The following KDM4C variants were observed in gnomAD, a reference collection of about 807,000 sequenced individuals.
KDM4C encodes the protein lysine-specific demethylase 4C.
A neutral mutation model predicts 129.3 loss-of-function variants in KDM4C; 81 were observed. The observed-to-expected ratio is 0.63, with a 90% CI of 0.52 to 0.75. KDM4C has a LOEUF of 0.75. Among genes scored for constraint, KDM4C ranks in the 30% least tolerant of loss-of-function variants. The probability of loss-of-function intolerance (pLI) is 0.00; values close to 1 mark genes in which losing one functional copy is unlikely to be tolerated. For missense variants in KDM4C, 1,457 were observed against 1,304.0 expected, an observed-to-expected ratio of 1.12 and a Z score of -1.81; for synonymous variants, 573 against 456.1, an observed-to-expected ratio of 1.26 and a Z score of -3.26.
At chr9:6,964,311 T>TA (rs1427969149) in intron 8 of KDM4C, among the ~76,000 whole-genome samples, 1 of 150,428 alleles carries the variant, frequency 6.6e-6, no homozygotes, top group East Asian at 2.0e-4. Flanking sequence ...CATTGTTCAA[T>TA]TCCCACCTAT....
intron 19 of KDM4C, among the ~76,000 whole-genome samples, chr9:7,144,863 C>G (rs569069287): frequency 1.3e-5 from 2 of 152,248 alleles, no homozygotes; most frequent in East Asian, 3.8e-4. Context: ...TAGGTCTCAG[C>G]CCAGGAGTGA....
At chr9:6,980,220 C>G (rs1816531953) in intron 8 of KDM4C, among the ~76,000 whole-genome samples, 1 of 152,134 alleles carries the variant, frequency 6.6e-6, no homozygotes, top group African/African-American at 2.4e-5. Flanking sequence ...TGTGTGAAGT[C>G]TTTATAGAAA....
intron 14 of KDM4C, 30 bp from the exon 15 acceptor site, chr9:7,015,823 A>G (rs1476732677): frequency 1.4e-6 from 2 of 1,465,192 alleles, no homozygotes; most frequent in Non-Finnish European, 1.9e-6. Context: ...AAAAAGACCT[A>G]ACGCATGGAT....
intron 1 of KDM4C, among the ~76,000 whole-genome samples, chr9:6,772,924 G>C (rs868697180): frequency 2.6e-5 from 4 of 151,084 alleles, no homozygotes; most frequent in Admixed American, 2.0e-4. Flanking sequence ...CCGAACTCTT[G>C]ACCGCAGGTG....
intron 6 of KDM4C, 25 bp from the exon 7 acceptor site, chr9:6,887,935 A>G: frequency 1.5e-5 from 20 of 1,314,802 alleles, no homozygotes; most frequent in Non-Finnish European, 2.2e-5. Flanking sequence ...ACACAGTGCC[A>G]CTTACATTTA....
intron 8 of KDM4C, among the ~76,000 whole-genome samples, chr9:6,950,183 G>A (rs1017388633): frequency 2.0e-5 from 3 of 151,130 alleles, no homozygotes; most frequent in Non-Finnish European, 4.4e-5. Flanking sequence ...ATTTTGAAAT[G>A]ATTAGCAAAT....
intron 1 of KDM4C, among the ~76,000 whole-genome samples, chr9:6,760,378 G>A (rs572509639): frequency 1.3e-5 from 2 of 151,410 alleles, no homozygotes; most frequent in South Asian, 4.2e-4. Context: ...CTCTGCTTTT[G>A]GCTGAGTAAT....
rs1485267816 is a variant in KDM4C, at chr9:6,986,665, G to T, written c.1676G>T (p.Ser559Ile). ...SGERNSFKVP[S>I]IAEGENKTSK... ...GAGAGAAATAGCTTCAAAGTCCCCA[G>T]TGTATGTGGCAATATCCATTTTTTA... is the stretch of plus-strand genomic sequence containing the variant. Residue 559 changes from serine (S) to isoleucine (I), a missense_variant and splice_region_variant, in exon 11 of 22, where the codon AGT becomes ATT. By Grantham distance (142) the Ser-to-Ile change is moderately radical (BLOSUM62 -2). Coordinates refer to ENST00000381309, the MANE Select transcript of KDM4C (RefSeq NM_015061.6). 3 of 1,598,114 alleles carry T rather than the reference G, an allele frequency of 1.9e-6. No individual in the cohort carries two copies. Among genetic ancestry groups the T allele is most frequent in the African/African-American group, 1.3e-5 (1 of 74,514 alleles).
chr9:7,147,375 C>T (rs369101415), intron 19 of KDM4C, among the ~76,000 whole-genome samples: 5 of 152,182 alleles, frequency 3.3e-5, no homozygotes, highest in African/African-American at 4.8e-5. Context: ...CTCTCCCCTG[C>T]GTGCCTATCC....
chr9:7,123,139 A>G (rs1013056846), intron 18 of KDM4C, among the ~76,000 whole-genome samples: 1 of 152,182 alleles, frequency 6.6e-6, no homozygotes, highest in African/African-American at 2.4e-5. Context: ...TTTTATTTAG[A>G]TGAAGGTTGT....
chr9:7,127,758 CACATACACGTGTGTATATATAT>C, intron 18 of KDM4C: 1 of 189,618 alleles, frequency 5.3e-6, no homozygotes, highest in South Asian at 1.7e-4. Flanking sequence ...TTTGCATATA[CACATACACGTGTGTATATATAT>C]ACATACATAT....
chr9:7,061,395 G>T (rs1020785526), intron 17 of KDM4C, among the ~76,000 whole-genome samples: 1 of 152,120 alleles, frequency 6.6e-6, no homozygotes, highest in Non-Finnish European at 1.5e-5. Context: ...TACCTGATTT[G>T]GTGTTTACCT....
intron 5 of KDM4C, among the ~76,000 whole-genome samples, chr9:6,864,242 C>G (rs529966685): frequency 6.6e-6 from 1 of 151,104 alleles, no homozygotes; most frequent in Admixed American, 6.6e-5. Context: ...TTTATCACTC[C>G]TTTATGTTTG....
chr9:6,949,280 C>T (rs1220114020), intron 8 of KDM4C, among the ~76,000 whole-genome samples: 2 of 151,476 alleles, frequency 1.3e-5, no homozygotes, highest in African/African-American at 4.9e-5. Flanking sequence ...CTCCTCACAT[C>T]CCAGATGATG....
At chr9:6,915,992 A>G (rs1391544535) in intron 8 of KDM4C, among the ~76,000 whole-genome samples, 1 of 152,198 alleles carries the variant, frequency 6.6e-6, no homozygotes, top group Non-Finnish European at 1.5e-5. Context: ...GATGGGGGGA[A>G]TTTAATTCCA....
At chr9:7,055,474 G>A (rs2132626759) in intron 17 of KDM4C, among the ~76,000 whole-genome samples, 1 of 152,324 alleles carries the variant, frequency 6.6e-6, no homozygotes. Context: ...CTACAATGAT[G>A]ACTGAGCTAC....
In KDM4C at chr9:7,141,848, A is replaced by G. The variant is rs558214309; in HGVS notation, c.2781+13612A>G. Among the ~76,000 whole-genome samples, 4 of 152,160 alleles carry G rather than the reference A, an allele frequency of 2.6e-5. No individual in the cohort carries two copies. The South Asian group carries it at 8.3e-4, about 32-fold the overall frequency. ...ATAGAATGTAAGGGATGCTGAGTGA[A>G]AAGTCCCATGCCTCAATGTGAGAAG... is the stretch of plus-strand genomic sequence containing the variant. On this transcript the variant is annotated intron_variant, in intron 19 of 21. Transcript: ENST00000381309.
chr9:7,148,702 C>G (rs1165969148), intron 19 of KDM4C, among the ~76,000 whole-genome samples: 1 of 152,204 alleles, frequency 6.6e-6, no homozygotes, highest in African/African-American at 2.4e-5. Context: ...GTGAGCAAGA[C>G]AGAGAAAGGC....
intron 17 of KDM4C, among the ~76,000 whole-genome samples, chr9:7,071,148 A>G (rs1833138926): frequency 6.6e-6 from 1 of 152,218 alleles, no homozygotes; most frequent in South Asian, 2.1e-4. Flanking sequence ...TAAAACGCTA[A>G]TAAAGGAAAT....
Sources: gnomAD v4.1 joint callset for allele counts (sites outside exome capture counted in the v4.1 genomes callset) on GRCh38, gnomAD v4.1.1 for gene constraint, MANE v1.5 for transcripts, NCBI Gene and HGNC (gene_info 2026-07-23, HGNC 2026-07-21) for gene names.